Variants in ST7L observed in about 807,000 individuals in gnomAD.
ST7L encodes suppressor of tumorigenicity 7 protein-like.
In ST7L, 57 loss-of-function variants were observed where a neutral mutation model predicts 72.5. The observed-to-expected ratio is 0.79, with a 90% CI of 0.64 to 0.98. The LOEUF (loss-of-function observed/expected upper bound fraction) is 0.98. ST7L is among the 50% of genes least tolerant of loss of function. ST7L has a pLI of 0.00. For missense variants in ST7L, 576 were observed against 672.2 expected, an observed-to-expected ratio of 0.86 and a Z score of 1.58; for synonymous variants, 221 against 240.9, an observed-to-expected ratio of 0.92 and a Z score of 0.77.
At position 112,618,960 on chromosome 1, in the gene ST7L, GC is replaced by G; in HGVS notation, c.153del (p.Leu52CysfsTer5). 1.3e-6 allele frequency: 2 copies of G among 1,598,294 alleles called. No individual in the cohort carries two copies. ...GASLWFVAGL[G>X]LLYALRIPLR... is the part of the protein sequence containing the mutation. ...AAAGGGATCCTCAGGGCGTAAAGCA[GC>G]CCCAGCCCCGCCACGAACCACAACG... On this transcript the variant is annotated frameshift_variant, in exon 1 of 15. Transcript: ENST00000358039. LOFTEE classifies it high-confidence loss of function.
intron 3 of ST7L, among the ~76,000 whole-genome samples, chr1:112,606,927 G>T (rs1186602030): frequency 1.2e-4 from 19 of 152,118 alleles, no homozygotes; most frequent in Admixed American, 1.2e-3. Flanking sequence ...TCCTAATACA[G>T]TTACATTAGA....
intron 11 of ST7L, among the ~76,000 whole-genome samples, chr1:112,563,985 C>T (rs1660561551): frequency 6.6e-6 from 1 of 152,168 alleles, no homozygotes; most frequent in Non-Finnish European, 1.5e-5. Flanking sequence ...GTACTTTGCT[C>T]TTGATCAGTC....
chr1:112,527,257 C>T lies in ST7L; in HGVS notation c.1630-1146G>A, dbSNP rs1027357261. On this transcript the variant is annotated intron_variant, in intron 14 of 14. Coordinates refer to ENST00000358039, the MANE Select transcript of ST7L (RefSeq NM_017744.5). ...ATCATAGCTCTGGGATGCTGCAGCT[C>T]CCTGACCTGGGCCCCTACTTGAGCT... 9 of 152,476 alleles carry T rather than the reference C, an allele frequency of 5.9e-5. 1 individual carries two copies. The highest frequency in any genetic ancestry group is 3.4e-3 in the Middle Eastern group (1 of 294). 9.4% of individuals were successfully genotyped at this position (152,476 alleles called of 1,614,324 possible). A position where few individuals can be genotyped will look rare whatever the true frequency, so the allele number is the denominator to read the frequency against.
chr1:112,520,770 G>T (rs750208453), downstream of ST7L: 4 of 520,590 alleles, frequency 7.7e-6, no homozygotes, highest in Non-Finnish European at 1.4e-5. Context: ...AGAGATAGGG[G>T]GTCTTTAGAG....
At chr1:112,565,323 G>A (rs778028906) in intron 11 of ST7L, among the ~76,000 whole-genome samples, 8 of 145,528 alleles carry the variant, frequency 5.5e-5, no homozygotes, top group African/African-American at 7.7e-5. Context: ...AACCCATCTC[G>A]GCCTCCCAAA....
chr1:112,581,534 G>GA (rs1664119614), intron 9 of ST7L, among the ~76,000 whole-genome samples: 1 of 151,710 alleles, frequency 6.6e-6, no homozygotes, highest in South Asian at 2.1e-4. Context: ...AAGTAGCTGG[G>GA]ACTACAGGTA....
chr1:112,539,186 T>G (rs1655691923), intron 14 of ST7L: 1 of 152,268 alleles, frequency 6.6e-6, no homozygotes, highest in Admixed American at 6.5e-5. Flanking sequence ...ATGTAGATTC[T>G]GATTCAGAAG....
chr1:112,590,672 C>A (rs1187425370), intron 6 of ST7L, among the ~76,000 whole-genome samples: 2 of 152,010 alleles, frequency 1.3e-5, no homozygotes, highest in Non-Finnish European at 2.9e-5. Flanking sequence ...TTGATCTGTT[C>A]CTTGTAAATA....
downstream of ST7L, chr1:112,521,821 C>T (rs1652898116): frequency 6.6e-6 from 1 of 152,026 alleles, no homozygotes; most frequent in Non-Finnish European, 1.5e-5. Context: ...ACTTGATGTC[C>T]TATTTTTATG....
At chr1:112,616,761 A>AAAT in intron 2 of ST7L, 52 bp downstream of exon 2, 5 of 1,357,802 alleles carry the variant, frequency 3.7e-6, no homozygotes, top group Non-Finnish European at 5.1e-6. Context: ...AAAAAAAAAA[A>AAAT]TATCTTTAGA....
chr1:112,555,044 G>A (rs960195019), intron 12 of ST7L, among the ~76,000 whole-genome samples: 3 of 152,256 alleles, frequency 2.0e-5, no homozygotes, highest in Non-Finnish European at 2.9e-5. Flanking sequence ...AAAAAGTTCT[G>A]TAGATGGATG....
At position 112,591,858 on chromosome 1, in the gene ST7L, T is replaced by C. The variant is rs189029123; in HGVS notation, c.623-255A>G. ...ACAGGGTACCTAAACAAGTTAATTATATCATTATTATGTATGAACATTTAT... is the reference window on the plus strand; with the variant it reads ...ACAGGGTACCTAAACAAGTTAATTACATCATTATTATGTATGAACATTTAT... On this transcript the variant is annotated intron_variant, in intron 5 of 14. Transcript: ENST00000358039. Among the ~76,000 whole-genome samples, 248 of 152,274 alleles carry C rather than the reference T, an allele frequency of 1.6e-3. 1 individual carries two copies. The highest frequency in any genetic ancestry group is 5.4e-3 in the African/African-American group (226 of 41,574).
At chr1:112,518,824 G>GC (rs1652704530), downstream of ST7L, among the ~76,000 whole-genome samples, 1 of 152,190 alleles carries the variant, frequency 6.6e-6, no homozygotes, top group African/African-American at 2.4e-5. Flanking sequence ...AGAATATGGA[G>GC]CCAGGAATTC....
chr1:112,520,171 C>T, downstream of ST7L: 4 of 1,116,396 alleles, frequency 3.6e-6, no homozygotes, highest in Non-Finnish European at 5.2e-6. Flanking sequence ...CCACTGTGCC[C>T]AGCCCAAAAA....
At chr1:112,582,541 A>G in intron 7 of ST7L, 69 bp from the exon 8 acceptor site, 1 of 886,088 alleles carries the variant, frequency 1.1e-6, no homozygotes, top group Non-Finnish European at 1.7e-6. Flanking sequence ...TCATTAACAT[A>G]TCCATTAATT....
intron 11 of ST7L, among the ~76,000 whole-genome samples, chr1:112,565,322 C>T (rs1393419462): frequency 2.0e-5 from 3 of 148,608 alleles, no homozygotes; most frequent in South Asian, 2.1e-4. Flanking sequence ...CAACCCATCT[C>T]GGCCTCCCAA....
chr1:112,608,164 G>A (rs538040133), intron 3 of ST7L, among the ~76,000 whole-genome samples: 1 of 152,196 alleles, frequency 6.6e-6, no homozygotes, highest in South Asian at 2.1e-4. Flanking sequence ...GGAACTACAG[G>A]TGCGTATTAC....
intron 2 of ST7L, among the ~76,000 whole-genome samples, chr1:112,615,835 G>A (rs1669784098): frequency 1.3e-5 from 2 of 152,180 alleles, no homozygotes; most frequent in South Asian, 4.1e-4. Context: ...CACCTCCCAA[G>A]TTCAAGAGAT....
chr1:112,588,510 C>G (rs1458408925), intron 6 of ST7L, among the ~76,000 whole-genome samples: 1 of 152,080 alleles, frequency 6.6e-6, no homozygotes, highest in Non-Finnish European at 1.5e-5. Context: ...TTTGTCAGAT[C>G]TTTTTCTTCA....
Sources: allele counts gnomAD v4.1 joint callset (sites outside exome capture counted in the v4.1 genomes callset), GRCh38; gene constraint gnomAD v4.1.1; transcripts MANE v1.5; gene names NCBI Gene and HGNC (gene_info 2026-07-23, HGNC 2026-07-21).